The following KRR1 variants were observed in gnomAD, a reference collection of about 807,000 sequenced individuals.
KRR1 encodes KRR1 small subunit processome component homolog.
KRR1 carries 23 observed loss-of-function variants against 50.0 expected under a neutral mutation model. The observed-to-expected ratio is 0.46, with a 90% CI of 0.33 to 0.65. The LOEUF (loss-of-function observed/expected upper bound fraction) is 0.65, where lower values mean the gene tolerates loss of function less well. Ranked by LOEUF, KRR1 falls within the 30% of genes least tolerant of loss-of-function variation. The probability of loss-of-function intolerance (pLI) is 0.02; values close to 1 mark genes in which losing one functional copy is unlikely to be tolerated. For synonymous variants in KRR1, 133 were observed against 146.3 expected, an observed-to-expected ratio of 0.91 and a Z score of 0.66; for missense variants, 419 against 442.4, an observed-to-expected ratio of 0.95 and a Z score of 0.47.
chr12:75,495,670 A>G lies in KRR1; in HGVS notation c.*4139T>C. ...GTTTGGACAATCTCTGTGGTGAGTAAAAGGAACAATACACCAATAGAATAA... is the reference window on the plus strand; with the variant it reads ...GTTTGGACAATCTCTGTGGTGAGTAGAAGGAACAATACACCAATAGAATAA... On this transcript the variant is annotated 3_prime_UTR_variant, in exon 10 of 10. Coordinates refer to ENST00000229214, the MANE Select transcript of KRR1 (RefSeq NM_007043.7). 2 of 1,508,560 alleles carry G rather than the reference A, an allele frequency of 1.3e-6. No individual in the cohort carries two copies. The highest frequency in any genetic ancestry group is 1.8e-6 in the Non-Finnish European group (2 of 1,084,276). 93.4% of individuals were successfully genotyped at this position (1,508,560 alleles called of 1,614,324 possible). A position where few individuals can be genotyped will look rare whatever the true frequency, so the allele number is the denominator to read the frequency against.
rs1165349676 is a variant in KRR1, at chr12:75,499,749, C to A, written c.*60G>T. On this transcript the variant is annotated 3_prime_UTR_variant, in exon 10 of 10. Transcript: ENST00000229214. The stretch of plus-strand genomic sequence containing the variant: ...TTTCTCACAAATAAGGCAACTAATG[C>A]CTGATATCTCAAAATCCTTTACAAA... The A allele has an allele frequency of 2.2e-6, 3 of 1,352,522 alleles. No individual in the cohort carries two copies. The highest frequency in any genetic ancestry group is 3.0e-6 in the Non-Finnish European group (3 of 1,005,196). The allele number at this position is 1,352,522 out of a possible 1,614,324, so 83.8% of individuals were successfully genotyped here. A position where few individuals can be genotyped will look rare whatever the true frequency, so the allele number is the denominator to read the frequency against.
intron 2 of KRR1, among the ~76,000 whole-genome samples, chr12:75,507,572 A>G (rs544454613): frequency 6.6e-6 from 1 of 152,284 alleles, no homozygotes; most frequent in Non-Finnish European, 1.5e-5. Flanking sequence ...AAATGAGCTC[A>G]ATCCCAGATG....
chr12:75,511,585 A>G lies in KRR1; in HGVS notation c.13T>C (p.Ser5Pro). MASP[S>P]LERPEKGAGK... ...GCGCCTTTTTCTGGCCGCTCCAGCG[A>G]GGGAGACGCCATTTGCAAGCTGCTT... Residue 5 changes from serine to proline, a missense_variant, in exon 1 of 10, where the codon TCG (serine) becomes CCG (proline). Ser to Pro is a moderately conservative substitution (Grantham distance 74, BLOSUM62 -1). Transcript: ENST00000229214. 1 of 1,614,060 alleles carries G rather than the reference A, an allele frequency of 6.2e-7. No homozygotes were observed. The highest frequency in any genetic ancestry group is 8.5e-7 in the Non-Finnish European group (1 of 1,179,930).
chr12:75,506,346 T>C lies in KRR1; in HGVS notation c.573A>G (p.Ser191=). Reference sequence around the variant, plus strand: ...TTAAGCCACTAAAAGGTCCAATGGCTGAAACTGTGTTTCCCTGAACCATAA... The same window carrying C: ...TTAAGCCACTAAAAGGTCCAATGGCCGAAACTGTGTTTCCCTGAACCATAA... ...CYIMVQGNTV[S]AIGPFSGLKE... is the part of the protein sequence containing the mutation. The change falls in exon 5 of 10, where the codon TCA becomes TCG. Residue 191 remains serine, a synonymous_variant. Coordinates refer to ENST00000229214, the MANE Select transcript of KRR1 (RefSeq NM_007043.7). 6.2e-7 allele frequency: 1 copy of C among 1,611,868 alleles called. No individual in the cohort carries two copies. The highest frequency in any genetic ancestry group is 8.5e-7 in the Non-Finnish European group (1 of 1,178,760).
At position 75,508,364 on chromosome 12, in the gene KRR1, C is replaced by T. The variant is rs1384905125; in HGVS notation, c.168G>A (p.Glu56=). The part of the protein sequence containing the change: ...SKEDNPRGLL[E]ESSFATLFPK... ...GGAACAAAGTTGCGAAACTGCTCTC[C>T]TCCAAAAGTCCTCTGGGATTGTCCT... The change falls in exon 2 of 10, where the codon GAG becomes GAA. Residue 56 remains glutamate, a synonymous_variant. Coordinates refer to ENST00000229214, the MANE Select transcript of KRR1 (RefSeq NM_007043.7). 6.2e-7 allele frequency: 1 copy of T among 1,613,414 alleles called. No individual in the cohort carries two copies. Among genetic ancestry groups the T allele is most frequent in the Non-Finnish European group, 8.5e-7 (1 of 1,179,670 alleles).
Position 75,495,784 on chromosome 12 carries a change from A to G in KRR1, c.*4025T>C, listed in dbSNP as rs532846797. ...ATCTTCAAGGAAACTGGCATCAAGTAGCAATTAAACCAATGGCTTACTGTT... is the reference window on the plus strand; with the variant it reads ...ATCTTCAAGGAAACTGGCATCAAGTGGCAATTAAACCAATGGCTTACTGTT... On this transcript the variant is annotated 3_prime_UTR_variant, in exon 10 of 10. Transcript: ENST00000229214. 3.3e-6 allele frequency: 2 copies of G among 605,202 alleles called. No individual in the cohort carries two copies. Among genetic ancestry groups the G allele is most frequent in the East Asian group, 2.8e-5 (1 of 35,336 alleles). 37.5% of individuals were successfully genotyped at this position (605,202 alleles called of 1,614,324 possible). A position where few individuals can be genotyped will look rare whatever the true frequency, so the allele number is the denominator to read the frequency against.
chr12:75,499,698 C>CAA lies in KRR1; in HGVS notation c.*109_*110dup, dbSNP rs35207358. ...CTCTTCTATGAACAACCACCACCACCAAAAAAAAAAAAAGCCCTCAGAAAA... is the reference window on the plus strand; with the variant it reads ...CTCTTCTATGAACAACCACCACCACCAAAAAAAAAAAAAAAGCCCTCAGAAAA... On this transcript the variant is annotated 3_prime_UTR_variant, in exon 10 of 10. Transcript: ENST00000229214. The CAA allele has an allele frequency of 2.4e-4, 137 of 563,592 alleles. No homozygotes were observed. Among genetic ancestry groups the CAA allele is most frequent in the East Asian group, 5.2e-4 (15 of 28,844 alleles). 34.9% of individuals were successfully genotyped at this position (563,592 alleles called of 1,614,324 possible).
In KRR1 at chr12:75,503,882, A is replaced by C. The variant is rs12578286; in HGVS notation, c.831+22T>G. ...ATTAAAATAGATTCTCCTTCATATGAAGTTCTACATTTAGTACTAACCTGA... is the reference window on the plus strand; with the variant it reads ...ATTAAAATAGATTCTCCTTCATATGCAGTTCTACATTTAGTACTAACCTGA... On this transcript the variant is annotated intron_variant, in intron 7 of 9. Transcript: ENST00000229214. 14 of 1,561,414 alleles carry C rather than the reference A, an allele frequency of 9.0e-6. No homozygotes were observed. In the East Asian group the frequency reaches 3.0e-4, roughly 33 times the overall value.
chr12:75,500,478 T>C (rs2046384601), intron 9 of KRR1: 1 of 115,150 alleles, frequency 8.7e-6, no homozygotes, highest in Non-Finnish European at 2.1e-5. Context: ...CAATATTAAT[T>C]GAATATTCAA....
chr12:75,502,980 C>G (rs1300583892), intron 7 of KRR1: 1 of 151,952 alleles, frequency 6.6e-6, no homozygotes. Context: ...AGACTCCAAC[C>G]ATGGTTGTGG....
At chr12:75,509,735 G>C (rs1021480267) in intron 1 of KRR1, among the ~76,000 whole-genome samples, 6 of 151,686 alleles carry the variant, frequency 4.0e-5, no homozygotes, top group Admixed American at 1.3e-4. Flanking sequence ...TGGTACTACA[G>C]GCATGTGCCA....
At position 75,498,025 on chromosome 12, in the gene KRR1, A is replaced by C. The variant is rs945280428; in HGVS notation, c.*1784T>G. The C allele has an allele frequency of 6.6e-6, 1 of 152,268 alleles. No individual in the cohort carries two copies. Among genetic ancestry groups the C allele is most frequent in the Non-Finnish European group, 1.5e-5 (1 of 68,082 alleles). The allele number at this position is 152,268 out of a possible 1,614,324, so 9.4% of individuals were successfully genotyped here. On this transcript the variant is annotated 3_prime_UTR_variant, in exon 10 of 10. Transcript: ENST00000229214. Reference sequence around the variant, plus strand: ...GGTATGAAGACCAGGGATGCTCACCAGTACCCAGAGGACCAGATGATTGAT... The same window carrying C: ...GGTATGAAGACCAGGGATGCTCACCCGTACCCAGAGGACCAGATGATTGAT...
At position 75,505,260 on chromosome 12, in the gene KRR1, AT is replaced by A; in HGVS notation, c.604-7del. ...TCAAGGACTACTTTTCTAACCTGAAATTTGCAAAGAAAAATGAATTAGTCAC... is the reference window on the plus strand; with the variant it reads ...TCAAGGACTACTTTTCTAACCTGAAATTGCAAAGAAAAATGAATTAGTCAC... On this transcript the variant is annotated splice_polypyrimidine_tract_variant and splice_region_variant and intron_variant, in intron 5 of 9. Transcript: ENST00000229214. The A allele has an allele frequency of 3.2e-6, 5 of 1,569,236 alleles. No homozygotes were observed. Among genetic ancestry groups the A allele is most frequent in the Non-Finnish European group, 4.3e-6 (5 of 1,159,202 alleles).
chr12:75,506,421 A>C (rs749703078), intron 4 of KRR1, 22 bp from the exon 5 acceptor site: 3 of 1,605,158 alleles, frequency 1.9e-6, no homozygotes, highest in Non-Finnish European at 2.5e-6. Context: ...GATCAAGTTA[A>C]AATTCATTAC....
In KRR1 at chr12:75,506,602, C is replaced by T. The variant is rs11540407; in HGVS notation, c.401G>A (p.Arg134Gln). ...ARSVSFEQAV[R>Q]ILQDDVACDI... ...ACATGCAACATCATCCTGAAGAATTCGTACTGCCTTTTGCAAAAAAAAAAA... is the reference window on the plus strand; with the variant it reads ...ACATGCAACATCATCCTGAAGAATTTGTACTGCCTTTTGCAAAAAAAAAAA... The change falls in exon 4 of 10, where the codon CGA (arginine) becomes CAA (glutamine). Residue 134 changes from arginine to glutamine, a missense_variant. Transcript: ENST00000229214. The T allele has an allele frequency of 0.23, 346,383 of 1,477,928 alleles. 46,544 individuals are homozygous for T. The highest frequency in any genetic ancestry group is 0.31 in the Admixed American group (13,693 of 43,534). 91.6% of individuals were successfully genotyped at this position (1,477,928 alleles called of 1,614,324 possible).
In KRR1 at chr12:75,508,143, A is replaced by G. The variant is rs768838166; in HGVS notation, c.258+131T>C. On this transcript the variant is annotated intron_variant, in intron 2 of 9. Coordinates refer to ENST00000229214, the MANE Select transcript of KRR1 (RefSeq NM_007043.7). Reference sequence around the variant, plus strand: ...AAAACTTACTTAAATAGTTTAGAATACCAAAGGAACCAAAGTAACCAGCTA... The same window carrying G: ...AAAACTTACTTAAATAGTTTAGAATGCCAAAGGAACCAAAGTAACCAGCTA... The G allele has an allele frequency of 9.8e-5, 49 of 497,662 alleles. No homozygotes were observed. In the Middle Eastern group the frequency reaches 3.0e-3, roughly 31 times the overall value. 30.8% of individuals were successfully genotyped at this position (497,662 alleles called of 1,614,324 possible).
chr12:75,506,737 AAC>A, intron 3 of KRR1, 43 bp downstream of exon 3: 7 of 1,590,540 alleles, frequency 4.4e-6, no homozygotes, highest in African/African-American at 1.4e-5. Flanking sequence ...GTTATAGGTT[AAC>A]ACTGATGCAA....
rs2046322725 is a variant in KRR1 at position 75,491,322 on chromosome 12, A to G, written c.*8487T>C. ...AACAGCAAGGCACACACGGGTCAGCAACCTGCCCAAAGTTCTACAGTTAGT... is the reference window on the plus strand; with the variant it reads ...AACAGCAAGGCACACACGGGTCAGCGACCTGCCCAAAGTTCTACAGTTAGT... On this transcript the variant is annotated 3_prime_UTR_variant, in exon 10 of 10. Coordinates refer to ENST00000229214, the MANE Select transcript of KRR1 (RefSeq NM_007043.7). The G allele has an allele frequency of 6.6e-6, 1 of 152,194 alleles. No individual in the cohort carries two copies. Among genetic ancestry groups the G allele is most frequent in the Admixed American group, 6.5e-5 (1 of 15,282 alleles). 9.4% of individuals were successfully genotyped at this position (152,194 alleles called of 1,614,324 possible).
At position 75,508,349 on chromosome 12, in the gene KRR1, T is replaced by TGC; in HGVS notation, c.181_182dup (p.Thr62GlnfsTer12). ...CTTCCCTGTATTTTGGGAACAAAGT[T>TGC]GCGAAACTGCTCTCCTCCAAAAGTC... is the stretch of plus-strand genomic sequence containing the variant. On this transcript the variant is annotated frameshift_variant, in exon 2 of 10. Coordinates refer to ENST00000229214, the MANE Select transcript of KRR1 (RefSeq NM_007043.7). LOFTEE classifies it high-confidence loss of function. 2.5e-6 allele frequency: 4 copies of TGC among 1,613,714 alleles called. No individual in the cohort carries two copies. Among genetic ancestry groups the TGC allele is most frequent in the Non-Finnish European group, 3.4e-6 (4 of 1,179,778 alleles).
Sources: allele counts gnomAD v4.1 joint callset (sites outside exome capture counted in the v4.1 genomes callset), GRCh38; gene constraint gnomAD v4.1.1; transcripts MANE v1.5; gene names NCBI Gene and HGNC (gene_info 2026-07-23, HGNC 2026-07-21).